PXDNL: variants seen among roughly 807,000 people sequenced by gnomAD.
PXDNL encodes the protein probable oxidoreductase PXDNL.
A neutral mutation model predicts 150.8 loss-of-function variants in PXDNL; 145 were observed. That is an observed-to-expected ratio of 0.96 (90% confidence interval 0.84 to 1.10). The LOEUF (loss-of-function observed/expected upper bound fraction) is 1.10. PXDNL is among the 50% of genes least tolerant of loss of function. The probability of loss-of-function intolerance (pLI) is 0.00; values close to 1 mark genes in which losing one functional copy is unlikely to be tolerated. For synonymous variants in PXDNL, 757 were observed against 725.7 expected (o/e 1.04, Z -0.69); for missense variants, 2,087 against 1,873.9 (o/e 1.11, Z -2.10).
chr8:51,795,546 C>A (rs895705952), intron 1 of PXDNL, among the ~76,000 whole-genome samples: 15 of 152,128 alleles, frequency 9.9e-5, no homozygotes, highest in African/African-American at 4.8e-5. Flanking sequence ...CTGAATGACT[C>A]CTGGGTAAAT....
At chr8:51,378,585 A>G (rs111376325) in intron 17 of PXDNL, among the ~76,000 whole-genome samples, 29 of 152,358 alleles carry the variant, frequency 1.9e-4, no homozygotes, top group African/African-American at 6.7e-4. Context: ...TCTGTGGAAG[A>G]TTTGTTCTTT....
chr8:51,680,441 G>A (rs1174941197), intron 1 of PXDNL, among the ~76,000 whole-genome samples: 2 of 152,020 alleles, frequency 1.3e-5, no homozygotes, highest in Non-Finnish European at 2.9e-5. Context: ...TATAAATGAA[G>A]GTGTATTACA....
At chr8:51,405,206 C>G (rs1808403077) in intron 17 of PXDNL, among the ~76,000 whole-genome samples, 1 of 152,190 alleles carries the variant, frequency 6.6e-6, no homozygotes, top group Non-Finnish European at 1.5e-5. Flanking sequence ...CCGCCTGGGC[C>G]AGCCCAGAAA....
intron 8 of PXDNL, among the ~76,000 whole-genome samples, chr8:51,467,084 T>C (rs1466747845): frequency 6.6e-6 from 1 of 152,154 alleles, no homozygotes; most frequent in Non-Finnish European, 1.5e-5. Context: ...AAGACCCATG[T>C]GTCTGTATGT....
chr8:51,615,784 A>C (rs990907912), intron 2 of PXDNL, among the ~76,000 whole-genome samples: 10 of 152,262 alleles, frequency 6.6e-5, no homozygotes, highest in Non-Finnish European at 1.5e-4. Context: ...ATACAATTTA[A>C]CAAATGAGAA....
At chr8:51,321,823 A>AGGGTCTGTATT (rs1805325470) in intron 21 of PXDNL, among the ~76,000 whole-genome samples, 1 of 152,158 alleles carries the variant, frequency 6.6e-6, no homozygotes. Flanking sequence ...ACTAACACAG[A>AGGGTCTGTATT]AGCCACACTC....
chr8:51,666,190 G>A (rs531421822), intron 1 of PXDNL, among the ~76,000 whole-genome samples: 4 of 152,100 alleles, frequency 2.6e-5, no homozygotes, highest in South Asian at 2.1e-4. Context: ...TTGATCTTTC[G>A]GTGGCATTTG....
intron 1 of PXDNL, among the ~76,000 whole-genome samples, chr8:51,717,380 A>C (rs1305531047): frequency 6.6e-6 from 1 of 152,230 alleles, no homozygotes; most frequent in Admixed American, 6.5e-5. Context: ...CACATTATCC[A>C]GTTGGCCAGC....
chr8:51,521,287 C>G (rs1223270826), intron 4 of PXDNL, among the ~76,000 whole-genome samples: 1 of 151,468 alleles, frequency 6.6e-6, no homozygotes, highest in Non-Finnish European at 1.5e-5. Flanking sequence ...AAGTAAATGA[C>G]TTATAAGACT....
intron 4 of PXDNL, among the ~76,000 whole-genome samples, chr8:51,512,786 T>C (rs1811449379): frequency 6.6e-6 from 1 of 152,200 alleles, no homozygotes; most frequent in African/African-American, 2.4e-5. Flanking sequence ...CACGTGACTC[T>C]TGATCTCAAT....
intron 19 of PXDNL, among the ~76,000 whole-genome samples, chr8:51,352,515 T>C (rs1806384113): frequency 6.6e-6 from 1 of 152,140 alleles, no homozygotes; most frequent in African/African-American, 2.4e-5. Context: ...GTTCTCATGA[T>C]AGTGAGGGGG....
Position 51,444,250 on chromosome 8 carries a change from T to C in PXDNL, c.1525+2754A>G, listed in dbSNP as rs552592099. On this transcript the variant is annotated intron_variant, in intron 12 of 22. Transcript: ENST00000356297. ...GAGGCTCCAGCAGATTTACCCACCA[T>C]GACTTTTGCACCATCAGCGCAAATT... 3.0e-4 allele frequency among the ~76,000 whole-genome samples: 45 copies of C among 152,266 alleles called. 1 individual carries two copies. The East Asian group carries it at 6.2e-3, about 21-fold the overall frequency.
intron 12 of PXDNL, among the ~76,000 whole-genome samples, chr8:51,433,663 C>T (rs1002357755): frequency 2.0e-5 from 3 of 152,156 alleles, no homozygotes; most frequent in African/African-American, 7.2e-5. Context: ...TTTCCTAATT[C>T]ATCATTTTCA....
At chr8:51,543,035 A>G (rs1418031877) in intron 4 of PXDNL, among the ~76,000 whole-genome samples, 4 of 152,226 alleles carry the variant, frequency 2.6e-5, no homozygotes, top group African/African-American at 4.8e-5. Context: ...TTATTATTTC[A>G]GAATCTGCTC....
chr8:51,601,368 T>A (rs1389315102), intron 2 of PXDNL, among the ~76,000 whole-genome samples: 1 of 152,062 alleles, frequency 6.6e-6, no homozygotes, highest in Non-Finnish European at 1.5e-5. Context: ...TCATTGCAGA[T>A]CCAGAAATAC....
intron 1 of PXDNL, among the ~76,000 whole-genome samples, chr8:51,709,444 C>A (rs1351148080): frequency 6.6e-6 from 1 of 152,034 alleles, no homozygotes; most frequent in Non-Finnish European, 1.5e-5. Context: ...TTAGTAGAGA[C>A]AGGGTTTCAC....
chr8:51,353,594 G>T (rs1272048929), intron 19 of PXDNL, among the ~76,000 whole-genome samples: 1 of 152,068 alleles, frequency 6.6e-6, no homozygotes, highest in African/African-American at 2.4e-5. Flanking sequence ...AATGAAGTCT[G>T]CTTCTGGGAA....
chr8:51,806,308 T>G (rs570745215), intron 1 of PXDNL, among the ~76,000 whole-genome samples: 1 of 152,320 alleles, frequency 6.6e-6, no homozygotes, highest in East Asian at 1.9e-4. Context: ...TGTTGGCCAT[T>G]TGCAGAGCTA....
chr8:51,344,892 G>A (rs1806097606), intron 20 of PXDNL, among the ~76,000 whole-genome samples: 1 of 152,124 alleles, frequency 6.6e-6, no homozygotes, highest in African/African-American at 2.4e-5. Flanking sequence ...GTAGAAACAG[G>A]ATTTGAATCC....
Sources: allele counts gnomAD v4.1 joint callset (sites outside exome capture counted in the v4.1 genomes callset), GRCh38; gene constraint gnomAD v4.1.1; transcripts MANE v1.5; gene names NCBI Gene and HGNC (gene_info 2026-07-23, HGNC 2026-07-21).